The following OSBPL9 variants were observed in gnomAD, a reference collection of about 807,000 sequenced individuals.
OSBPL9 encodes oxysterol binding protein like 9.
Under a neutral mutation model 106.6 loss-of-function variants are expected in OSBPL9, and 40 were observed. The ratio of observed to expected loss-of-function variants is 0.38; its 90% CI spans 0.29 to 0.49. The LOEUF is 0.49. OSBPL9 is among the 20% of genes least tolerant of loss of function. OSBPL9 has a pLI of 0.97. For synonymous variants in OSBPL9, 269 were observed against 295.4 expected (o/e 0.91, Z 0.92); for missense variants, 609 against 887.2 (o/e 0.69, Z 3.98).
At chr1:51,679,391 A>G (rs1652014719) in intron 3 of OSBPL9, among the ~76,000 whole-genome samples, 1 of 152,242 alleles carries the variant, frequency 6.6e-6, no homozygotes, top group African/African-American at 2.4e-5. Flanking sequence ...GAAATTTGGG[A>G]AAAGTATAAA....
At chr1:51,599,030 A>G (rs1048712341) in intron 2 of OSBPL9, among the ~76,000 whole-genome samples, 1 of 151,816 alleles carries the variant, frequency 6.6e-6, no homozygotes, top group African/African-American at 2.4e-5. Flanking sequence ...GATGAACATT[A>G]GAACATTAGG....
At chr1:51,569,636 C>T in the OSBPL9 span, 5 of 152,276 alleles carry the variant, frequency 3.3e-5, no homozygotes, top group East Asian at 1.9e-4. Flanking sequence ...CACCACAATA[C>T]TTCCTTTGCT....
chr1:51,519,998 C>T, the OSBPL9 span, among the ~76,000 whole-genome samples: 2 of 152,244 alleles, frequency 1.3e-5, no homozygotes, highest in African/African-American at 2.4e-5. Context: ...CCATCATCCA[C>T]TTAGCAAACT....
intron 1 of OSBPL9, among the ~76,000 whole-genome samples, chr1:51,628,611 G>C (rs1644915461): frequency 6.7e-6 from 1 of 149,820 alleles, no homozygotes; most frequent in Non-Finnish European, 1.5e-5. Context: ...AAGAGAAAAA[G>C]AAAAATATCT....
intron 8 of OSBPL9, chr1:51,752,748 A>G (rs891779395): frequency 9.5e-6 from 3 of 316,698 alleles, no homozygotes; most frequent in Non-Finnish European, 1.9e-5. Context: ...AGAGAGAGGG[A>G]GCGTGCACGT....
chr1:51,665,301 T>A (rs1239832869), intron 2 of OSBPL9, among the ~76,000 whole-genome samples: 2 of 152,060 alleles, frequency 1.3e-5, no homozygotes, highest in African/African-American at 2.4e-5. Flanking sequence ...TGCACCACCA[T>A]GCCTGGCTAA....
At position 51,787,363 on chromosome 1, in the gene OSBPL9, G is replaced by T. The variant is rs1677925411; in HGVS notation, c.2011G>T (p.Asp671Tyr). ...NEYESRSLWK[D>Y]VTFNLKIRDI... The stretch of plus-strand genomic sequence containing the variant: ...ACCTCTTTGTTTTAGCCTTTGGAAG[G>T]ATGTCACTTTCAACTTAAAAATCAG... Residue 671 changes from aspartate to tyrosine, a missense_variant, in exon 23 of 24, where the codon GAT becomes TAT. This residue lies in a region of OSBPL9 where 132 missense variants were observed against 158.1 expected (regional missense o/e 0.83). Coordinates refer to ENST00000428468, the MANE Select transcript of OSBPL9 (RefSeq NM_024586.6). The T allele has an allele frequency of 6.2e-7, 1 of 1,613,764 alleles. No homozygotes were observed. The highest frequency in any genetic ancestry group is 8.5e-7 in the Non-Finnish European group (1 of 1,179,848).
At chr1:51,632,995 G>A (rs186100985) in intron 1 of OSBPL9, among the ~76,000 whole-genome samples, 11 of 151,520 alleles carry the variant, frequency 7.3e-5, no homozygotes, top group Admixed American at 1.3e-4. Context: ...TTTTGAGACC[G>A]AGTCTTACTC....
intron 3 of OSBPL9, among the ~76,000 whole-genome samples, chr1:51,712,967 C>G (rs976512897): frequency 4.6e-5 from 7 of 152,096 alleles, no homozygotes; most frequent in Admixed American, 1.3e-4. Context: ...TTCTGGGCCA[C>G]CCATATGACC....
intron 15 of OSBPL9, 41 bp from the exon 16 acceptor site, chr1:51,781,123 C>T (rs768424920): frequency 2.1e-5 from 34 of 1,593,170 alleles, no homozygotes; most frequent in Non-Finnish European, 2.8e-5. Context: ...TTGTCTTGTA[C>T]CAGAAAGCAG....
chr1:51,772,607 C>G lies in OSBPL9; in HGVS notation c.1054C>G (p.Leu352Val). The G allele has an allele frequency of 6.2e-7, 1 of 1,611,690 alleles. No homozygotes were observed. Among genetic ancestry groups the G allele is most frequent in the Non-Finnish European group, 8.5e-7 (1 of 1,177,786 alleles). Reference sequence around the variant, plus strand: ...TAATAAGATCTGCTTTATTTTAGACCTGTTTGATTCACATGATGACAGAGA... The same window carrying G: ...TAATAAGATCTGCTTTATTTTAGACGTGTTTGATTCACATGATGACAGAGA... Reference protein sequence around the residue: ...SLSNGTSDADLFDSHDDRDDD... With the variant: ...SLSNGTSDADVFDSHDDRDDD... Residue 352 changes from leucine (L) to valine (V), a missense_variant and splice_region_variant, in exon 14 of 24, where the codon CTG becomes GTG. Leu to Val is a conservative substitution (Grantham distance 32). This residue lies in a region of OSBPL9 where 356 missense variants were observed against 505.8 expected (regional missense o/e 0.70). Coordinates refer to ENST00000428468, the MANE Select transcript of OSBPL9 (RefSeq NM_024586.6).
At chr1:51,583,512 G>C (rs1456296506) in intron 1 of OSBPL9, 1 of 152,222 alleles carries the variant, frequency 6.6e-6, no homozygotes, top group East Asian at 1.9e-4. Flanking sequence ...TGTGCTCCAA[G>C]ACTTCACTCT....
chr1:51,640,905 C>T (rs1311135325), intron 1 of OSBPL9, among the ~76,000 whole-genome samples: 1 of 151,632 alleles, frequency 6.6e-6, no homozygotes, highest in Admixed American at 6.6e-5. Context: ...CACCGCAGCC[C>T]CCTGAGTACC....
the OSBPL9 span, among the ~76,000 whole-genome samples, chr1:51,570,476 T>C: frequency 2.4e-4 from 36 of 152,194 alleles, no homozygotes; most frequent in African/African-American, 8.0e-4. Flanking sequence ...ATAATAGATC[T>C]CAGAGCCTTT....
chr1:51,579,211 G>T (rs1199262312), intron 1 of OSBPL9, among the ~76,000 whole-genome samples: 3 of 152,034 alleles, frequency 2.0e-5, no homozygotes, highest in Admixed American at 1.3e-4. Flanking sequence ...AAGGTACAGA[G>T]TTTCTTCTGG....
intron 4 of OSBPL9, 133 bp from the exon 5 acceptor site, chr1:51,745,403 C>T (rs1450038629): frequency 7.7e-7 from 1 of 1,291,984 alleles, no homozygotes; most frequent in Non-Finnish European, 1.0e-6. Flanking sequence ...GTTAAATAGA[C>T]CTATTATTTG....
chr1:51,784,915 C>G (rs1394880374), intron 20 of OSBPL9: 2 of 294,456 alleles, frequency 6.8e-6, no homozygotes, highest in East Asian at 8.4e-5. Context: ...CTGGTCCTTA[C>G]AGCAGACTTT....
chr1:51,756,924 A>G (rs1026516286), intron 9 of OSBPL9: 7 of 151,870 alleles, frequency 4.6e-5, no homozygotes, highest in Non-Finnish European at 7.4e-5. Flanking sequence ...TTTATATTCA[A>G]CTTCCCCTCC....
At chr1:51,645,274 T>A (rs530763284) in intron 1 of OSBPL9, among the ~76,000 whole-genome samples, 3 of 152,196 alleles carry the variant, frequency 2.0e-5, no homozygotes, top group African/African-American at 7.2e-5. Flanking sequence ...GCTGAAACTA[T>A]CTTCTTAACT....
Sources: allele counts gnomAD v4.1 joint callset (sites outside exome capture counted in the v4.1 genomes callset), GRCh38; gene constraint gnomAD v4.1.1; regional missense constraint gnomAD v4.1.1; transcripts MANE v1.5; gene names NCBI Gene and HGNC (gene_info 2026-07-23, HGNC 2026-07-21).